The following NBEA variants were observed in gnomAD, a reference collection of about 807,000 sequenced individuals.
NBEA encodes neurobeachin, also known as lysosomal-trafficking regulator 2.
NBEA carries 44 observed loss-of-function variants against 343.4 expected under a neutral mutation model. The ratio of observed to expected loss-of-function variants is 0.13; its 90% CI spans 0.10 to 0.16. NBEA has a LOEUF of 0.16. NBEA is among the 10% of genes least tolerant of loss of function. The pLI, the probability that NBEA is intolerant of heterozygous loss-of-function variation, is 1.00. For synonymous variants in NBEA, 1,175 were observed against 1,238.7 expected (o/e 0.95, Z 1.08); for missense variants, 2,555 against 3,631.3 (o/e 0.70, Z 7.62).
intron 1 of NBEA, among the ~76,000 whole-genome samples, chr13:35,009,229 C>T (rs1171663810): frequency 6.6e-6 from 1 of 152,152 alleles, no homozygotes; most frequent in African/African-American, 2.4e-5. Flanking sequence ...AGCAACAAAA[C>T]TCTCTACTCT....
intron 47 of NBEA, among the ~76,000 whole-genome samples, chr13:35,600,572 A>ATTT (rs2082002143): frequency 6.6e-6 from 1 of 152,238 alleles, no homozygotes; most frequent in African/African-American, 2.4e-5. Context: ...AATAGCTTCT[A>ATTT]GAATATATTT....
chr13:35,388,049 A>T (rs1430482920), intron 38 of NBEA, among the ~76,000 whole-genome samples: 1 of 152,140 alleles, frequency 6.6e-6, no homozygotes, highest in East Asian at 1.9e-4. Context: ...GAATTTTTTT[A>T]AATTTCCGAA....
At chr13:35,056,780 G>C (rs1370791006) in intron 7 of NBEA, among the ~76,000 whole-genome samples, 2 of 152,068 alleles carry the variant, frequency 1.3e-5, no homozygotes, top group Non-Finnish European at 2.9e-5. Context: ...ACAAGGCCTG[G>C]GTTTTCGCAT....
intron 17 of NBEA, among the ~76,000 whole-genome samples, chr13:35,130,898 TATTC>T: frequency 6.6e-6 from 1 of 152,176 alleles, no homozygotes; most frequent in African/African-American, 2.4e-5. Context: ...AACAAGAAGT[TATTC>T]ATTATACAAA....
intron 34 of NBEA, among the ~76,000 whole-genome samples, chr13:35,287,557 CA>C (rs919853706): frequency 2.6e-5 from 4 of 151,920 alleles, no homozygotes; most frequent in African/African-American, 9.7e-5. Context: ...AGGTTTTTTT[CA>C]GATTTTCTCT....
chr13:35,114,630 C>G (rs2066405052), intron 13 of NBEA, among the ~76,000 whole-genome samples: 1 of 152,130 alleles, frequency 6.6e-6, no homozygotes, highest in Non-Finnish European at 1.5e-5. Context: ...ACCAGGGCCT[C>G]TGCTCCCTCC....
chr13:35,152,864 A>G (rs1007132024), intron 18 of NBEA, among the ~76,000 whole-genome samples: 2 of 151,902 alleles, frequency 1.3e-5, no homozygotes, highest in Admixed American at 1.3e-4. Context: ...CCTCTGTACA[A>G]TTTTGTTTTA....
chr13:35,151,730 T>C (rs2068803319), intron 18 of NBEA, among the ~76,000 whole-genome samples: 1 of 152,122 alleles, frequency 6.6e-6, no homozygotes, highest in Admixed American at 6.5e-5. Context: ...TACTAAGAAG[T>C]GAGTTAACTT....
intron 41 of NBEA, among the ~76,000 whole-genome samples, chr13:35,513,239 C>A (rs1402188203): frequency 6.7e-6 from 1 of 148,688 alleles, no homozygotes; most frequent in East Asian, 2.0e-4. Flanking sequence ...CAGGTTCAAG[C>A]GATTCTCCTG....
intron 41 of NBEA, among the ~76,000 whole-genome samples, chr13:35,482,739 G>T (rs778125192): frequency 6.6e-6 from 1 of 151,378 alleles, no homozygotes; most frequent in Non-Finnish European, 1.5e-5. Context: ...AGTTAGATAT[G>T]TCGATGTGTA....
intron 37 of NBEA, among the ~76,000 whole-genome samples, chr13:35,350,301 G>A (rs1274850991): frequency 6.6e-6 from 1 of 152,090 alleles, no homozygotes; most frequent in African/African-American, 2.4e-5. Flanking sequence ...TAAGCCAAGG[G>A]CAGTGTTTCT....
chr13:35,411,647 T>TTG (rs2043593675), intron 38 of NBEA, among the ~76,000 whole-genome samples: 2 of 148,532 alleles, frequency 1.3e-5, no homozygotes, highest in Admixed American at 6.7e-5. Flanking sequence ...TGTTTTTTGT[T>TTG]TTGTTGTTGT....
chr13:35,508,002 T>C (rs1386819822), intron 41 of NBEA, among the ~76,000 whole-genome samples: 1 of 152,316 alleles, frequency 6.6e-6, no homozygotes, highest in East Asian at 1.9e-4. Context: ...GACTATCACT[T>C]GTGGAGCACC....
At chr13:35,062,907 G>A (rs1350516084) in intron 8 of NBEA, among the ~76,000 whole-genome samples, 1 of 151,924 alleles carries the variant, frequency 6.6e-6, no homozygotes. Flanking sequence ...ATGCACCTAC[G>A]TAGTTGAAAA....
chr13:35,481,585 T>C (rs1302388166), intron 41 of NBEA, among the ~76,000 whole-genome samples: 1 of 151,914 alleles, frequency 6.6e-6, no homozygotes, highest in Non-Finnish European at 1.5e-5. Context: ...TTGAATACTG[T>C]GTAGGAAATA....
At chr13:35,427,998 G>A (rs1422927999) in intron 38 of NBEA, among the ~76,000 whole-genome samples, 3 of 152,156 alleles carry the variant, frequency 2.0e-5, no homozygotes, top group African/African-American at 2.4e-5. Flanking sequence ...CAGTATTAGG[G>A]TGGGAGTGAC....
intron 31 of NBEA, among the ~76,000 whole-genome samples, chr13:35,200,858 A>G (rs1221689211): frequency 6.6e-6 from 1 of 151,962 alleles, no homozygotes; most frequent in East Asian, 1.9e-4. Flanking sequence ...TCTAATATTG[A>G]TATTAGTGGT....
rs559095532 is a variant in NBEA, at chr13:35,099,400, G to A, written c.1680+995G>A. On this transcript the variant is annotated intron_variant, in intron 11 of 58. Transcript: ENST00000379939. Reference sequence around the variant, plus strand: ...TTTTTAGTAGAGACAGGGTTTCACCGTATTAGCCAGGATGGTCTTGAACTC... The same window carrying A: ...TTTTTAGTAGAGACAGGGTTTCACCATATTAGCCAGGATGGTCTTGAACTC... 3.7e-4 allele frequency among the ~76,000 whole-genome samples: 56 copies of A among 151,856 alleles called. No homozygotes were observed. In the East Asian group the frequency reaches 7.8e-3, roughly 21 times the overall value.
chr13:35,571,143 CAT>C (rs1945984574), intron 45 of NBEA, among the ~76,000 whole-genome samples: 1 of 152,156 alleles, frequency 6.6e-6, no homozygotes, highest in South Asian at 2.1e-4. Flanking sequence ...TTTCAATAAA[CAT>C]GTGGTACCCC....
Sources: gnomAD v4.1 joint callset for allele counts (sites outside exome capture counted in the v4.1 genomes callset) on GRCh38, gnomAD v4.1.1 for gene constraint, MANE v1.5 for transcripts, NCBI Gene and HGNC (gene_info 2026-07-23, HGNC 2026-07-21) for gene names.